Variants in EPM2A observed in about 807,000 individuals in gnomAD.
The protein encoded by EPM2A is EPM2A glucan phosphatase, laforin, also known as laforin.
Under a neutral mutation model 26.5 loss-of-function variants are expected in EPM2A, and 21 were observed. That is an observed-to-expected ratio of 0.79 (90% CI 0.56 to 1.14). The LOEUF (loss-of-function observed/expected upper bound fraction) is 1.14. Among genes scored for constraint, EPM2A ranks in the 50% most tolerant of loss-of-function variants. EPM2A has a pLI of 0.00. For missense variants in EPM2A, 458 were observed against 440.8 expected, an observed-to-expected ratio of 1.04 and a Z score of -0.35; for synonymous variants, 217 against 177.6, an observed-to-expected ratio of 1.22 and a Z score of -1.76.
intron 4 of EPM2A, among the ~76,000 whole-genome samples, chr6:145,389,306 C>T (rs1778306718): frequency 6.6e-6 from 1 of 151,870 alleles, no homozygotes; most frequent in Admixed American, 6.6e-5. Flanking sequence ...TCTCCTGCCT[C>T]AGCCACCTAA....
At chr6:145,582,681 C>T (rs921664629) in intron 2 of EPM2A, among the ~76,000 whole-genome samples, 5 of 152,088 alleles carry the variant, frequency 3.3e-5, no homozygotes, top group South Asian at 2.1e-4. Context: ...CTGGGTTTCC[C>T]GAATTCAAAT....
intron 2 of EPM2A, among the ~76,000 whole-genome samples, chr6:145,541,884 A>T (rs1351622441): frequency 1.3e-5 from 2 of 152,152 alleles, no homozygotes; most frequent in Non-Finnish European, 2.9e-5. Flanking sequence ...GCAGAACATT[A>T]TACATTTCCA....
intron 4 of EPM2A, among the ~76,000 whole-genome samples, chr6:145,457,726 A>C (rs1001351188): frequency 6.6e-6 from 1 of 152,088 alleles, no homozygotes; most frequent in Non-Finnish European, 1.5e-5. Context: ...CAGGGACTGG[A>C]ATTCCTTCTC....
chr6:145,589,650 A>G (rs1037502151), intron 2 of EPM2A, among the ~76,000 whole-genome samples: 11 of 152,200 alleles, frequency 7.2e-5, no homozygotes, highest in Non-Finnish European at 1.5e-4. Context: ...TTAAGCCAAA[A>G]GAGGATCAAG....
At chr6:145,405,732 A>G (rs1414221468) in intron 4 of EPM2A, among the ~76,000 whole-genome samples, 1 of 152,132 alleles carries the variant, frequency 6.6e-6, no homozygotes, top group Admixed American at 6.6e-5. Flanking sequence ...ACCACATTGG[A>G]GAACAACTAG....
At chr6:145,464,376 G>C (rs936120241) in intron 4 of EPM2A, among the ~76,000 whole-genome samples, 1 of 152,086 alleles carries the variant, frequency 6.6e-6, no homozygotes, top group Non-Finnish European at 1.5e-5. Flanking sequence ...ATTCTTTATA[G>C]CAGTGTGTAA....
intron 4 of EPM2A, among the ~76,000 whole-genome samples, chr6:145,396,738 T>G (rs998895072): frequency 6.6e-6 from 1 of 152,228 alleles, no homozygotes; most frequent in African/African-American, 2.4e-5. Context: ...TTCATTCTGT[T>G]ATTGCCACCC....
At chr6:145,718,150 T>C (rs371431799) in intron 1 of EPM2A, among the ~76,000 whole-genome samples, 58 of 151,824 alleles carry the variant, frequency 3.8e-4, no homozygotes, top group Non-Finnish European at 5.6e-4. Context: ...AAAAAGAGCC[T>C]GCATTGCCAA....
chr6:145,690,455 A>G (rs1781205415), intron 1 of EPM2A, among the ~76,000 whole-genome samples: 1 of 144,354 alleles, frequency 6.9e-6, no homozygotes, highest in African/African-American at 2.6e-5. Context: ...GCTTGCAGTG[A>G]GCCGAGATTG....
chr6:145,532,586 C>T (rs1438195604), intron 2 of EPM2A, among the ~76,000 whole-genome samples: 1 of 152,098 alleles, frequency 6.6e-6, no homozygotes, highest in Non-Finnish European at 1.5e-5. Context: ...GCTAGCAGGG[C>T]CAGTGAGTCA....
At chr6:145,533,032 T>C (rs150058180) in intron 2 of EPM2A, among the ~76,000 whole-genome samples, 2 of 152,296 alleles carry the variant, frequency 1.3e-5, no homozygotes, top group East Asian at 3.9e-4. Context: ...TCTGACATGA[T>C]CATATTGATG....
intron 4 of EPM2A, chr6:145,490,493 C>T: frequency 1.4e-6 from 1 of 721,538 alleles, no homozygotes. Context: ...TTAAAATGTC[C>T]AGAACAGTCA....
intron 2 of EPM2A, among the ~76,000 whole-genome samples, chr6:145,578,376 A>C (rs544462077): frequency 6.6e-6 from 1 of 152,204 alleles, no homozygotes. Flanking sequence ...CGGATACCAC[A>C]GAAGTTAGAA....
chr6:145,531,197 T>TA (rs1780350937), intron 2 of EPM2A, among the ~76,000 whole-genome samples: 1 of 152,124 alleles, frequency 6.6e-6, no homozygotes, highest in Admixed American at 6.5e-5. Context: ...CTTTGATCAT[T>TA]TGTGGGCAGG....
At chr6:145,415,486 A>G (rs1778695813) in intron 4 of EPM2A, among the ~76,000 whole-genome samples, 2 of 152,164 alleles carry the variant, frequency 1.3e-5, no homozygotes, top group South Asian at 4.1e-4. Flanking sequence ...TTTTGCACAT[A>G]TTAGTTAAGT....
chr6:145,415,015 T>C (rs1016765125), intron 4 of EPM2A, among the ~76,000 whole-genome samples: 6 of 152,234 alleles, frequency 3.9e-5, no homozygotes, highest in African/African-American at 1.4e-4. Flanking sequence ...ACTCTACCTG[T>C]GCACTCCACC....
chr6:145,717,235 C>T (rs966132479), intron 1 of EPM2A, among the ~76,000 whole-genome samples: 4 of 152,144 alleles, frequency 2.6e-5, no homozygotes, highest in East Asian at 1.9e-4. Flanking sequence ...ACTGGCAAAC[C>T]GAATTCAGCA....
rs1330666364 is a variant in EPM2A at position 145,625,715 on chromosome 6, G to A, written c.*1701C>T. 1 of 815,412 alleles carries A rather than the reference G, an allele frequency of 1.2e-6. No individual in the cohort carries two copies. Among genetic ancestry groups the A allele is most frequent in the Admixed American group, 1.7e-5 (1 of 58,292 alleles). 50.5% of individuals were successfully genotyped at this position (815,412 alleles called of 1,614,324 possible). A position where few individuals can be genotyped will look rare whatever the true frequency, so the allele number is the denominator to read the frequency against. ...TAAAATTATAGTGGAAATGTGTCCT[G>A]GCTAGCTGCCTCTGCCCAAAGCAAA... On this transcript the variant is annotated 3_prime_UTR_variant, in exon 4 of 4. Coordinates refer to ENST00000367519, the MANE Select transcript of EPM2A (RefSeq NM_005670.4).
chr6:145,520,615 A>G (rs1034029670), intron 2 of EPM2A, among the ~76,000 whole-genome samples: 23 of 152,230 alleles, frequency 1.5e-4, no homozygotes, highest in Non-Finnish European at 2.9e-4. Context: ...CTCACTCAAT[A>G]GTGTTCATTT....
Sources: allele counts gnomAD v4.1 joint callset (sites outside exome capture counted in the v4.1 genomes callset), GRCh38; gene constraint gnomAD v4.1.1; transcripts MANE v1.5; gene names NCBI Gene and HGNC (gene_info 2026-07-23, HGNC 2026-07-21).